Variants in DNAAF10 observed in about 807,000 individuals in gnomAD.
DNAAF10 encodes the protein WD repeat domain 92.
A neutral mutation model predicts 43.7 loss-of-function variants in DNAAF10; 28 were observed. The observed-to-expected ratio is 0.64, with a 90% confidence interval of 0.48 to 0.88. The LOEUF (loss-of-function observed/expected upper bound fraction) is 0.88, where lower values mean the gene tolerates loss of function less well. Ranked by LOEUF, DNAAF10 falls within the 40% of genes least tolerant of loss-of-function variation. The pLI, the probability that DNAAF10 is intolerant of heterozygous loss-of-function variation, is 0.00. For synonymous variants in DNAAF10, 156 were observed against 157.3 expected (o/e 0.99, Z 0.06); for missense variants, 403 against 439.1 (o/e 0.92, Z 0.73).
chr2:68,150,706 C>T (rs1421871270), intron 1 of DNAAF10, among the ~76,000 whole-genome samples: 2 of 152,034 alleles, frequency 1.3e-5, no homozygotes, highest in Non-Finnish European at 2.9e-5. Context: ...GCACTCCAGC[C>T]TGGGCGACAG....
At chr2:68,140,243 GT>G (rs1673146563) in intron 4 of DNAAF10, among the ~76,000 whole-genome samples, 1 of 151,984 alleles carries the variant, frequency 6.6e-6, no homozygotes, top group East Asian at 1.9e-4. Flanking sequence ...CCCTAACTTC[GT>G]TTTTCTCATA....
intron 3 of DNAAF10, 114 bp downstream of exon 3, chr2:68,144,471 A>G: frequency 7.6e-7 from 1 of 1,324,092 alleles, no homozygotes; most frequent in Non-Finnish European, 1.0e-6. Flanking sequence ...CAAGACTGTT[A>G]GATTTAGGGA....
intron 6 of DNAAF10, 115 bp from the exon 7 acceptor site, chr2:68,134,914 A>T: frequency 1.7e-6 from 2 of 1,196,520 alleles, no homozygotes; most frequent in South Asian, 2.8e-5. Flanking sequence ...AAAAGTAATT[A>T]AGGTTATTTT....
chr2:68,152,221 T>C (rs1355093251), intron 1 of DNAAF10, among the ~76,000 whole-genome samples: 1 of 152,246 alleles, frequency 6.6e-6, no homozygotes, highest in African/African-American at 2.4e-5. Flanking sequence ...CTCATGTTCT[T>C]TGTCCTTTTC....
Position 68,138,723 on chromosome 2 carries a change from G to A in DNAAF10, c.633+19C>T, listed in dbSNP as rs1012976397. ...GAAACATGCTCAGAGAAACCAAAAA[G>A]CCTCAGAATGTACTTTACCCCATTT... On this transcript the variant is annotated intron_variant, in intron 5 of 7. Coordinates refer to ENST00000295121, the MANE Select transcript of DNAAF10 (RefSeq NM_138458.4). 54 of 1,562,070 alleles carry A rather than the reference G, an allele frequency of 3.5e-5. No homozygotes were observed. The highest frequency in any genetic ancestry group is 4.7e-5 in the Non-Finnish European group (53 of 1,133,068).
intron 4 of DNAAF10, among the ~76,000 whole-genome samples, chr2:68,139,388 C>T (rs1397248330): frequency 6.6e-6 from 1 of 152,142 alleles, no homozygotes. Context: ...CTTGGATACT[C>T]TTGCAGAATC....
chr2:68,131,805 T>C (rs1672935845), intron 7 of DNAAF10: 2 of 221,920 alleles, frequency 9.0e-6, no homozygotes, highest in Non-Finnish European at 1.8e-5. Flanking sequence ...TTTCTCCAGA[T>C]ATAGATTGCT....
rs191588193 is a variant in DNAAF10, at chr2:68,134,267, T to G, written c.866+435A>C. 659 of 1,006,228 alleles carry G rather than the reference T, an allele frequency of 6.5e-4. 1 individual carries two copies. The highest frequency in any genetic ancestry group is 1.1e-3 in the Admixed American group (19 of 16,596). The allele number at this position is 1,006,228 out of a possible 1,614,324, so 62.3% of individuals were successfully genotyped here. ...CATTGTAACTCACCCTGCCTAGATA[T>G]GCAGAAAGCAAATTCAGTGATAAGA... On this transcript the variant is annotated intron_variant, in intron 7 of 7. Coordinates refer to ENST00000295121, the MANE Select transcript of DNAAF10 (RefSeq NM_138458.4).
intron 1 of DNAAF10, among the ~76,000 whole-genome samples, chr2:68,155,309 T>C (rs373632484): frequency 2.0e-5 from 3 of 151,864 alleles, no homozygotes; most frequent in Admixed American, 6.6e-5. Context: ...CTGACCAACA[T>C]GGTGAAACCC....
At chr2:68,140,795 T>TG (rs558265962) in intron 4 of DNAAF10, among the ~76,000 whole-genome samples, 2 of 152,366 alleles carry the variant, frequency 1.3e-5, no homozygotes, top group South Asian at 4.1e-4. Context: ...CCATGGGTTC[T>TG]GCATCTATAG....
chr2:68,150,634 G>A (rs1351204868), intron 1 of DNAAF10, among the ~76,000 whole-genome samples: 1 of 152,188 alleles, frequency 6.6e-6, no homozygotes, highest in Non-Finnish European at 1.5e-5. Context: ...TGGGGAGGCT[G>A]AGGCAGGAGA....
intron 6 of DNAAF10, 46 bp from the exon 7 acceptor site, chr2:68,134,845 G>A (rs200051805): frequency 8.7e-6 from 14 of 1,600,688 alleles, no homozygotes; most frequent in Admixed American, 1.7e-5. Flanking sequence ...GCTAAATGGT[G>A]CCCTGGAAGA....
intron 7 of DNAAF10, chr2:68,134,124 T>C (rs1239023561): frequency 2.0e-6 from 2 of 985,162 alleles, no homozygotes; most frequent in Admixed American, 6.2e-5. Flanking sequence ...TTTTGTTTTG[T>C]TTTGTTTCCT....
At chr2:68,147,343 TTA>T in intron 2 of DNAAF10, 122 bp downstream of exon 2, 1 of 672,860 alleles carries the variant, frequency 1.5e-6, no homozygotes, top group South Asian at 2.0e-5. Context: ...TCTCATATTT[TTA>T]TAGTTAAAAT....
At chr2:68,149,382 G>A (rs928613916) in intron 1 of DNAAF10, among the ~76,000 whole-genome samples, 4 of 152,126 alleles carry the variant, frequency 2.6e-5, no homozygotes, top group Non-Finnish European at 4.4e-5. Context: ...AATCAGCCAC[G>A]TACAGTAACA....
intron 5 of DNAAF10, among the ~76,000 whole-genome samples, chr2:68,137,912 C>T (rs1326017675): frequency 7.9e-6 from 1 of 126,048 alleles, no homozygotes; most frequent in African/African-American, 3.1e-5. Flanking sequence ...CAGTGGCTCA[C>T]GCCTGTAATC....
At chr2:68,152,681 A>G (rs544001738) in intron 1 of DNAAF10, among the ~76,000 whole-genome samples, 21 of 152,304 alleles carry the variant, frequency 1.4e-4, no homozygotes, top group Non-Finnish European at 2.4e-4. Context: ...AAATCAATAT[A>G]TACTAACAAT....
At chr2:68,133,209 C>T (rs1266451092) in intron 7 of DNAAF10, among the ~76,000 whole-genome samples, 2 of 152,154 alleles carry the variant, frequency 1.3e-5, no homozygotes, top group Admixed American at 6.5e-5. Flanking sequence ...CACTCAGAAA[C>T]CATATTGGTT....
In DNAAF10 at chr2:68,131,082, AT is replaced by A. The variant is rs201681019; in HGVS notation, c.*155del. On this transcript the variant is annotated 3_prime_UTR_variant, in exon 8 of 8. Transcript: ENST00000295121. ...AGATGCCCGCCATGACACCCAGCAA[AT>A]TTTTTTTTATATTTTTAGTAGAGAC... 305 of 636,524 alleles carry A rather than the reference AT, an allele frequency of 4.8e-4. No homozygotes were observed. Among genetic ancestry groups the A allele is most frequent in the Non-Finnish European group, 6.0e-4 (238 of 394,712 alleles). 39.4% of individuals were successfully genotyped at this position (636,524 alleles called of 1,614,324 possible).
Sources: gnomAD v4.1 joint callset for allele counts (sites outside exome capture counted in the v4.1 genomes callset) on GRCh38, gnomAD v4.1.1 for gene constraint, MANE v1.5 for transcripts, NCBI Gene and HGNC (gene_info 2026-07-23, HGNC 2026-07-21) for gene names.